Variants in APBB2 observed in about 807,000 individuals in gnomAD.
APBB2 encodes amyloid beta precursor protein binding family B member 2.
Under a neutral mutation model 82.5 loss-of-function variants are expected in APBB2, and 38 were observed. The ratio of observed to expected loss-of-function variants is 0.46; its 90% CI spans 0.36 to 0.60. The LOEUF is 0.60. Among genes scored for constraint, APBB2 ranks in the 20% least tolerant of loss-of-function variants. APBB2 has a pLI of 0.00. For missense variants in APBB2, 772 were observed against 972.3 expected (o/e 0.79, Z 2.74); for synonymous variants, 341 against 368.2 (o/e 0.93, Z 0.85).
chr4:40,821,730 G>A, intron 17 of APBB2, 141 bp downstream of exon 17: 1 of 975,724 alleles, frequency 1.0e-6, no homozygotes, highest in African/African-American at 1.6e-5. Context: ...TCTGGCCCTA[G>A]GAATGACGGC....
At chr4:41,092,249 G>T (rs1741980621) in intron 3 of APBB2, among the ~76,000 whole-genome samples, 1 of 152,172 alleles carries the variant, frequency 6.6e-6, no homozygotes, top group African/African-American at 2.4e-5. Flanking sequence ...TATATAATCT[G>T]ATCTTATTTG....
At chr4:41,159,312 G>A (rs879524638) in intron 1 of APBB2, among the ~76,000 whole-genome samples, 1 of 152,132 alleles carries the variant, frequency 6.6e-6, no homozygotes, top group Non-Finnish European at 1.5e-5. Context: ...TTAATATAAA[G>A]TCAGATAAAA....
chr4:40,970,153 T>C (rs1795596144), intron 6 of APBB2, among the ~76,000 whole-genome samples: 1 of 152,130 alleles, frequency 6.6e-6, no homozygotes, highest in Non-Finnish European at 1.5e-5. Context: ...TGAGGGCCCA[T>C]TATCCTGGAA....
intron 13 of APBB2, among the ~76,000 whole-genome samples, chr4:40,829,878 G>A (rs973320654): frequency 2.0e-5 from 3 of 152,200 alleles, no homozygotes; most frequent in Middle Eastern, 3.2e-3. Flanking sequence ...GTGTCCTCAG[G>A]AAGTTGGTGT....
chr4:40,881,897 A>G (rs572892311), intron 12 of APBB2, among the ~76,000 whole-genome samples: 18 of 152,144 alleles, frequency 1.2e-4, no homozygotes, highest in African/African-American at 3.9e-4. Context: ...ACAATTTCTA[A>G]TAATTTAGAA....
chr4:41,015,480 T>G (rs112586264), intron 5 of APBB2, among the ~76,000 whole-genome samples: 6 of 152,150 alleles, frequency 3.9e-5, no homozygotes, highest in African/African-American at 1.4e-4. Context: ...AATTCCCTCT[T>G]CCTCCCCCAG....
chr4:41,000,354 G>C (rs1407168854), intron 6 of APBB2, among the ~76,000 whole-genome samples: 1 of 152,098 alleles, frequency 6.6e-6, no homozygotes, highest in African/African-American at 2.4e-5. Context: ...GAGAAATAAG[G>C]CAGTAATTCT....
intron 4 of APBB2, among the ~76,000 whole-genome samples, chr4:41,044,472 T>C (rs920745718): frequency 1.3e-5 from 2 of 152,236 alleles, no homozygotes; most frequent in African/African-American, 2.4e-5. Flanking sequence ...ATCTTACATC[T>C]TTCCAGTTAT....
At chr4:40,970,490 A>G (rs1287554248) in intron 6 of APBB2, among the ~76,000 whole-genome samples, 2 of 151,958 alleles carry the variant, frequency 1.3e-5, no homozygotes, top group Admixed American at 1.3e-4. Flanking sequence ...AACCAAAGGC[A>G]TTTAAACTAA....
intron 2 of APBB2, among the ~76,000 whole-genome samples, chr4:41,131,301 T>TA (rs1755900734): frequency 6.6e-6 from 1 of 152,206 alleles, no homozygotes; most frequent in South Asian, 2.1e-4. Flanking sequence ...GCTATCTTTG[T>TA]ATTAGGTATT....
chr4:40,933,695 CG>C (rs1553868089), intron 10 of APBB2, among the ~76,000 whole-genome samples: 3 of 152,122 alleles, frequency 2.0e-5, no homozygotes, highest in Non-Finnish European at 4.4e-5. Context: ...CCTGAGATGC[CG>C]GGGGGCCAGA....
At chr4:41,055,456 G>A (rs1002323349) in intron 4 of APBB2, among the ~76,000 whole-genome samples, 3 of 152,080 alleles carry the variant, frequency 2.0e-5, no homozygotes, top group Admixed American at 6.6e-5. Context: ...TGTTATTTTC[G>A]CCATCCTGGT....
chr4:41,211,623 C>T (rs1476657551), intron 1 of APBB2, among the ~76,000 whole-genome samples: 1 of 152,020 alleles, frequency 6.6e-6, no homozygotes, highest in East Asian at 1.9e-4. Context: ...GCTGGGATTA[C>T]AGGCGGGAGC....
chr4:41,035,101 C>T (rs1031549769), intron 4 of APBB2, among the ~76,000 whole-genome samples: 57 of 152,046 alleles, frequency 3.7e-4, no homozygotes, highest in African/African-American at 1.3e-3. Flanking sequence ...TGTGCTCTTA[C>T]GTGCACATTT....
chr4:41,132,458 ACAGG>A (rs1756321578), intron 2 of APBB2, among the ~76,000 whole-genome samples: 1 of 152,234 alleles, frequency 6.6e-6, no homozygotes, highest in Non-Finnish European at 1.5e-5. Flanking sequence ...TCAAGTCCAA[ACAGG>A]CAGGCCTTTC....
At chr4:40,821,201 C>T (rs953029345) in intron 17 of APBB2, among the ~76,000 whole-genome samples, 4 of 152,194 alleles carry the variant, frequency 2.6e-5, no homozygotes, top group Admixed American at 6.5e-5. Flanking sequence ...TTTGCAGTGT[C>T]TGGCATAAGA....
chr4:41,084,000 CTG>C (rs1329924066), intron 3 of APBB2, among the ~76,000 whole-genome samples: 22 of 152,190 alleles, frequency 1.4e-4, no homozygotes, highest in South Asian at 6.2e-4. Context: ...GTGAAAAGAT[CTG>C]TGTCTTAGAA....
At position 40,821,945 on chromosome 4, in the gene APBB2, G is replaced by A. The variant is rs114406176; in HGVS notation, c.2038C>T (p.Arg680Cys). 1,245 of 1,614,096 alleles carry A rather than the reference G, an allele frequency of 7.7e-4. 9 individuals are homozygous for A. The African/African-American group carries it at 0.014, about 18-fold the overall frequency. ...FAFIMDTGNQ[R>C]FECHVFWCEP... ...CACCAGAAAACGTGGCACTCAAAGC[G>A]CTGGTTCCCCGTGTCCATGATGAAG... Residue 680 changes from arginine (R) to cysteine (C), a missense_variant, in exon 17 of 18, where the codon CGC becomes TGC. Arg to Cys is a radical substitution (Grantham distance 180). Coordinates refer to ENST00000508593, the MANE Select transcript of APBB2 (RefSeq NM_004307.2).
At chr4:41,157,966 T>G (rs1177048142) in intron 1 of APBB2, among the ~76,000 whole-genome samples, 1 of 152,158 alleles carries the variant, frequency 6.6e-6, no homozygotes, top group Non-Finnish European at 1.5e-5. Flanking sequence ...CACTCCAGTC[T>G]GGGCGACAGA....
Sources: gnomAD v4.1 joint callset for allele counts (sites outside exome capture counted in the v4.1 genomes callset) on GRCh38, gnomAD v4.1.1 for gene constraint, MANE v1.5 for transcripts, NCBI Gene and HGNC (gene_info 2026-07-23, HGNC 2026-07-21) for gene names.